PDE4D: variants seen among roughly 807,000 people sequenced by gnomAD.
PDE4D encodes phosphodiesterase 4D.
PDE4D carries 24 observed loss-of-function variants against 87.4 expected under a neutral mutation model. The ratio of observed to expected loss-of-function variants is 0.27; its 90% confidence interval spans 0.20 to 0.39. The LOEUF is 0.39. Among genes scored for constraint, PDE4D ranks in the 10% least tolerant of loss-of-function variants. PDE4D has a pLI of 1.00. For missense variants in PDE4D, 714 were observed against 1,041.0 expected, an observed-to-expected ratio of 0.69 and a Z score of 4.32; for synonymous variants, 384 against 383.2, an observed-to-expected ratio of 1.00 and a Z score of -0.02.
intron 1 of PDE4D, chr5:60,460,679 C>G: frequency 9.8e-7 from 1 of 1,019,762 alleles, no homozygotes; most frequent in Non-Finnish European, 1.5e-6. Flanking sequence ...GGTCCCAGAG[C>G]AGGAGGCATT....
chr5:59,193,993 C>T (rs1744902345), intron 2 of PDE4D, among the ~76,000 whole-genome samples: 2 of 152,194 alleles, frequency 1.3e-5, no homozygotes, highest in African/African-American at 2.4e-5. Context: ...AAGTCTTGGA[C>T]AGGCTAGGAA....
chr5:59,151,529 A>T (rs1297655249), intron 5 of PDE4D, among the ~76,000 whole-genome samples: 2 of 152,252 alleles, frequency 1.3e-5, no homozygotes, highest in African/African-American at 2.4e-5. Flanking sequence ...GTCACTAAAA[A>T]CTATATGAAC....
intron 1 of PDE4D, among the ~76,000 whole-genome samples, chr5:59,697,956 C>A (rs1752024154): frequency 6.6e-6 from 1 of 152,164 alleles, no homozygotes; most frequent in African/African-American, 2.4e-5. Flanking sequence ...GCTCTATAGA[C>A]ATCAGTTTCA....
At chr5:59,409,182 A>G (rs1003618208) in intron 1 of PDE4D, among the ~76,000 whole-genome samples, 4 of 152,050 alleles carry the variant, frequency 2.6e-5, no homozygotes, top group Non-Finnish European at 5.9e-5. Flanking sequence ...TGTTTACCCA[A>G]TGCCTGTACC....
At chr5:59,065,774 G>A (rs569464090) in intron 5 of PDE4D, among the ~76,000 whole-genome samples, 5 of 152,092 alleles carry the variant, frequency 3.3e-5, no homozygotes, top group South Asian at 2.1e-4. Context: ...CATTCACATC[G>A]GCATTTGGAA....
At chr5:59,043,185 T>C (rs190568608) in intron 5 of PDE4D, among the ~76,000 whole-genome samples, 4 of 152,344 alleles carry the variant, frequency 2.6e-5, no homozygotes, top group African/African-American at 9.6e-5. Context: ...ACCACTTATT[T>C]TGGACACTAT....
intron 11 of PDE4D, among the ~76,000 whole-genome samples, chr5:58,980,123 T>C (rs1275712007): frequency 2.0e-5 from 3 of 152,204 alleles, no homozygotes; most frequent in African/African-American, 4.8e-5. Flanking sequence ...CATTCATGGA[T>C]GGCATGGAGC....
intron 3 of PDE4D, among the ~76,000 whole-genome samples, chr5:59,900,716 T>G (rs962577875): frequency 4.7e-4 from 72 of 152,296 alleles, no homozygotes; most frequent in African/African-American, 1.7e-3. Context: ...TTTAGAGATG[T>G]TTAACTTTTT....
intron 1 of PDE4D, among the ~76,000 whole-genome samples, chr5:59,336,788 C>T (rs1325747196): frequency 6.6e-6 from 1 of 152,114 alleles, no homozygotes; most frequent in Non-Finnish European, 1.5e-5. Flanking sequence ...CTTCTACGGC[C>T]TTCTCCATCT....
intron 1 of PDE4D, among the ~76,000 whole-genome samples, chr5:59,511,289 T>G (rs1810241535): frequency 6.6e-6 from 1 of 151,912 alleles, no homozygotes; most frequent in South Asian, 2.1e-4. Context: ...AAATGATACA[T>G]GAGAAGACTG....
intron 6 of PDE4D, among the ~76,000 whole-genome samples, chr5:59,032,688 T>A (rs753460019): frequency 6.6e-6 from 1 of 152,246 alleles, no homozygotes; most frequent in African/African-American, 2.4e-5. Flanking sequence ...AAGAAATATG[T>A]GACACAGAGT....
chr5:59,116,102 C>T (rs938369091), intron 5 of PDE4D, among the ~76,000 whole-genome samples: 3 of 152,020 alleles, frequency 2.0e-5, no homozygotes, highest in Admixed American at 1.3e-4. Context: ...AATGTGTAAA[C>T]GTACAGGAAA....
chr5:59,395,778 T>C (rs879452696), intron 1 of PDE4D, among the ~76,000 whole-genome samples: 6 of 123,824 alleles, frequency 4.8e-5, no homozygotes, highest in Admixed American at 3.2e-4. Context: ...ACGATCAAAT[T>C]ACTCTGAGCT....
intron 1 of PDE4D, among the ~76,000 whole-genome samples, chr5:59,332,624 T>C (rs1488880643): frequency 6.6e-6 from 1 of 152,236 alleles, no homozygotes; most frequent in Non-Finnish European, 1.5e-5. Context: ...GACAATTTGA[T>C]TGGCTAGCCC....
intron 5 of PDE4D, among the ~76,000 whole-genome samples, chr5:59,056,087 A>C (rs957705116): frequency 1.9e-4 from 29 of 152,290 alleles, no homozygotes; most frequent in African/African-American, 5.8e-4. Context: ...GAGGATATCC[A>C]TGCCCCGCCT....
At chr5:59,471,110 T>C (rs758187570) in intron 1 of PDE4D, among the ~76,000 whole-genome samples, 5 of 151,986 alleles carry the variant, frequency 3.3e-5, no homozygotes, top group Non-Finnish European at 7.4e-5. Context: ...CCAGGAATGG[T>C]GGCATGCATC....
At chr5:59,962,560 GTT>G (rs1759589404) in intron 3 of PDE4D, among the ~76,000 whole-genome samples, 2 of 124,182 alleles carry the variant, frequency 1.6e-5, no homozygotes, top group Non-Finnish European at 3.6e-5. Context: ...TGATAACAAT[GTT>G]AAGAATGTAT....
intron 1 of PDE4D, among the ~76,000 whole-genome samples, chr5:59,742,215 T>C (rs1194138030): frequency 6.6e-6 from 1 of 152,084 alleles, no homozygotes; most frequent in Non-Finnish European, 1.5e-5. Flanking sequence ...AGGCATGCAC[T>C]ACCATATTTG....
At chr5:59,607,535 G>C (rs1828378008) in intron 1 of PDE4D, among the ~76,000 whole-genome samples, 1 of 152,054 alleles carries the variant, frequency 6.6e-6, no homozygotes, top group South Asian at 2.1e-4. Flanking sequence ...TGGTAAAATT[G>C]ATTAAACCAG....
Sources: gnomAD v4.1 joint callset for allele counts (sites outside exome capture counted in the v4.1 genomes callset) on GRCh38, gnomAD v4.1.1 for gene constraint, MANE v1.5 for transcripts, NCBI Gene and HGNC (gene_info 2026-07-23, HGNC 2026-07-21) for gene names.